PLEKHG3: variants seen among roughly 807,000 people sequenced by gnomAD.
PLEKHG3 encodes pleckstrin homology and RhoGEF domain containing G3.
In PLEKHG3, 62 loss-of-function variants were observed where a neutral mutation model predicts 94.9. The ratio of observed to expected loss-of-function variants is 0.65; its 90% CI spans 0.53 to 0.81. The LOEUF is 0.81. Among genes scored for constraint, PLEKHG3 ranks in the 30% least tolerant of loss-of-function variants. The pLI is 0.00. For synonymous variants in PLEKHG3, 614 were observed against 654.0 expected (o/e 0.94, Z 0.93); for missense variants, 1,461 against 1,619.3 (o/e 0.90, Z 1.68).
In PLEKHG3 at chr14:64,716,496, A is replaced by AACACACACACACACACACACAC. The variant is rs58480790; in HGVS notation, c.-39-11063_-39-11042dup. Among the ~76,000 whole-genome samples the AACACACACACACACACACACAC allele has an allele frequency of 6.3e-5, 5 of 79,544 alleles. No homozygotes were observed. The highest frequency in any genetic ancestry group is 6.6e-4 in the South Asian group (1 of 1,514). 52.2% of individuals were successfully genotyped at this position (79,544 alleles called of 152,430 possible). On this transcript the variant is annotated intron_variant, in intron 1 of 16. Coordinates refer to ENST00000247226, the MANE Select transcript of PLEKHG3 (RefSeq NM_001308147.2). The surrounding 1 kb of genome is among the most constrained non-coding windows in gnomAD (Gnocchi z 5.0). Reference sequence around the variant, plus strand: ...ACACACACACAACACACACACACACAACACACACACACACACACACACACA... The same window carrying AACACACACACACACACACACAC: ...ACACACACACAACACACACACACACAACACACACACACACACACACACACACACACACACACACACACACACA...
chr14:64,708,052 C>G (rs1227223847), intron 1 of PLEKHG3, among the ~76,000 whole-genome samples: 1 of 152,206 alleles, frequency 6.6e-6, no homozygotes, highest in Non-Finnish European at 1.5e-5. Flanking sequence ...AGGTGCAAAG[C>G]TTTTCATTTT....
rs774475376 is a variant in PLEKHG3, at chr14:64,726,778, G to A, written c.-39-815G>A. Reference sequence around the variant, plus strand: ...AGAGGCAGCCTGTACCAGGTGCTGGGGTGGGGCTGCGGAGTCGGGGGATAA... The same window carrying A: ...AGAGGCAGCCTGTACCAGGTGCTGGAGTGGGGCTGCGGAGTCGGGGGATAA... On this transcript the variant is annotated intron_variant, in intron 1 of 16. Transcript: ENST00000247226. The surrounding 1 kb of genome is among the most constrained non-coding windows in gnomAD (Gnocchi z 5.1). Among the ~76,000 whole-genome samples the A allele has an allele frequency of 8.5e-5, 13 of 152,206 alleles. No individual in the cohort carries two copies. Among genetic ancestry groups the A allele is most frequent in the Non-Finnish European group, 1.5e-4 (10 of 68,032 alleles).
Position 64,715,083 on chromosome 14 carries a change from G to A in PLEKHG3, c.-40+10379G>A, listed in dbSNP as rs1024469222. 1.3e-5 allele frequency among the ~76,000 whole-genome samples: 2 copies of A among 152,146 alleles called. No homozygotes were observed. The highest frequency in any genetic ancestry group is 2.4e-5 in the African/African-American group (1 of 41,424). On this transcript the variant is annotated intron_variant, in intron 1 of 16. Coordinates refer to ENST00000247226, the MANE Select transcript of PLEKHG3 (RefSeq NM_001308147.2). This position sits in a 1 kb window ranked among gnomAD's most constrained non-coding sequence, Gnocchi z 4.4. The stretch of plus-strand genomic sequence containing the variant: ...TGGAGAAGGAAGGCCTGTGTCTTGG[G>A]GTTGTCTACTGCTGGTTACGTACTG...
At position 64,741,300 on chromosome 14, in the gene PLEKHG3, C is replaced by T; in HGVS notation, c.1783C>T (p.Pro595Ser). The T allele has an allele frequency of 6.2e-7, 1 of 1,613,788 alleles. No individual in the cohort carries two copies. Among genetic ancestry groups the T allele is most frequent in the Non-Finnish European group, 8.5e-7 (1 of 1,180,028 alleles). Residue 595 changes from proline to serine, a missense_variant, in exon 16 of 17, where the codon CCA (proline) becomes TCA (serine). By Grantham distance (74) the Pro-to-Ser change is moderately conservative. Around this residue, in one of 3 missense-constraint regions of PLEKHG3, gnomAD observed 1,201 missense variants for 1,295.5 expected, o/e 0.93. Coordinates refer to ENST00000247226, the MANE Select transcript of PLEKHG3 (RefSeq NM_001308147.2). ...GAAQEPESLL[P>S]PSVLDQASVI... Reference sequence around the variant, plus strand: ...CGCCCAGGAGCCTGAGAGCCTTCTGCCACCCTCTGTGCTGGACCAGGCCAG... The same window carrying T: ...CGCCCAGGAGCCTGAGAGCCTTCTGTCACCCTCTGTGCTGGACCAGGCCAG...
At chr14:64,742,707 A>G (rs934201759) in intron 16 of PLEKHG3, among the ~76,000 whole-genome samples, 3 of 152,172 alleles carry the variant, frequency 2.0e-5, no homozygotes, top group African/African-American at 7.2e-5. Flanking sequence ...AGGCTTCTGG[A>G]GGAAGCATGG....
rs1414740260 is a variant in PLEKHG3 at position 64,722,463 on chromosome 14, G to A, written c.-39-5130G>A. 2.0e-5 allele frequency among the ~76,000 whole-genome samples: 3 copies of A among 152,202 alleles called. No individual in the cohort carries two copies. The highest frequency in any genetic ancestry group is 3.9e-4 in the East Asian group (2 of 5,176). On this transcript the variant is annotated intron_variant, in intron 1 of 16. Coordinates refer to ENST00000247226, the MANE Select transcript of PLEKHG3 (RefSeq NM_001308147.2). The surrounding 1 kb of genome is among the most constrained non-coding windows in gnomAD (Gnocchi z 4.3). Reference sequence around the variant, plus strand: ...TCAAACTCCTGACCAAAGGTGATCCGCCCACCTCGGCCTCCCAAAGTGCTG... The same window carrying A: ...TCAAACTCCTGACCAAAGGTGATCCACCCACCTCGGCCTCCCAAAGTGCTG...
rs763508388 is a variant in PLEKHG3 at position 64,742,100 on chromosome 14, G to A, written c.2583G>A (p.Ser861=). ...EHELGAITEE[S]ATASPESSSP... ...AGCTGGGAGCCATCACAGAGGAGTC[G>A]GCCACTGCCTCCCCGGAAAGCTCCT... is the stretch of plus-strand genomic sequence containing the variant. The change falls in exon 16 of 17, where the codon TCG becomes TCA. Residue 861 remains serine (S), a synonymous_variant. Coordinates refer to ENST00000247226, the MANE Select transcript of PLEKHG3 (RefSeq NM_001308147.2). 3.2e-5 allele frequency: 52 copies of A among 1,610,152 alleles called. 1 individual carries two copies. Among genetic ancestry groups the A allele is most frequent in the African/African-American group, 6.7e-5 (5 of 74,920 alleles).
intron 14 of PLEKHG3, 142 bp downstream of exon 14, chr14:64,737,517 C>T: frequency 1.6e-6 from 1 of 636,440 alleles, no homozygotes; most frequent in East Asian, 2.8e-5. Context: ...GGCTGTGTGG[C>T]TTAGGGCCAC....
At chr14:64,713,306 C>T (rs920835239) in intron 1 of PLEKHG3, among the ~76,000 whole-genome samples, 2 of 152,092 alleles carry the variant, frequency 1.3e-5, no homozygotes, top group African/African-American at 4.8e-5. Flanking sequence ...ATACTGGCCT[C>T]ATAGAATGAG....
Position 64,732,299 on chromosome 14 carries a change from G to A in PLEKHG3, c.1212+118G>A. The A allele has an allele frequency of 1.6e-6, 2 of 1,224,152 alleles. No individual in the cohort carries two copies. The highest frequency in any genetic ancestry group is 1.2e-5 in the South Asian group (1 of 81,820). The allele number at this position is 1,224,152 out of a possible 1,614,324, so 75.8% of individuals were successfully genotyped here. A position where few individuals can be genotyped will look rare whatever the true frequency, so the allele number is the denominator to read the frequency against. On this transcript the variant is annotated intron_variant, in intron 10 of 16. Transcript: ENST00000247226. The surrounding 1 kb of genome is among the most constrained non-coding windows in gnomAD (Gnocchi z 4.9). Reference sequence around the variant, plus strand: ...GGGCTCCAGTGGACAGTGAGTGTCAGTACAGCAGATGCCCCGGGCCTTGGT... The same window carrying A: ...GGGCTCCAGTGGACAGTGAGTGTCAATACAGCAGATGCCCCGGGCCTTGGT...
In PLEKHG3 at chr14:64,734,275, T is replaced by C. The variant is rs181224751; in HGVS notation, c.1345+1374T>C. ...CTTTCTTCTCTCTAGCCCTCTTTCT[T>C]TTCTCTTCTCTTCTCTTTTCTTTTC... On this transcript the variant is annotated intron_variant, in intron 12 of 16. Transcript: ENST00000247226. 1.2e-3 allele frequency among the ~76,000 whole-genome samples: 182 copies of C among 152,282 alleles called. 1 individual carries two copies. The highest frequency in any genetic ancestry group is 1.2e-3 in the Non-Finnish European group (80 of 68,016).
rs2081155163 is a variant in PLEKHG3 at position 64,716,470 on chromosome 14, C to CACA, written c.-39-11122_-39-11120dup. Reference sequence around the variant, plus strand: ...CACACACACACACACACACACAACACACACACACACAACACACACACACAC... The same window carrying CACA: ...CACACACACACACACACACACAACACACAACACACACACAACACACACACACAC... On this transcript the variant is annotated intron_variant, in intron 1 of 16. Coordinates refer to ENST00000247226, the MANE Select transcript of PLEKHG3 (RefSeq NM_001308147.2). This position sits in a 1 kb window ranked among gnomAD's most constrained non-coding sequence, Gnocchi z 5.0. Among the ~76,000 whole-genome samples, 2 of 130,808 alleles carry CACA rather than the reference C, an allele frequency of 1.5e-5. No homozygotes were observed. Among genetic ancestry groups the CACA allele is most frequent in the Non-Finnish European group, 3.3e-5 (2 of 60,804 alleles). The allele number at this position is 130,808 out of a possible 152,430, so 85.8% of individuals were successfully genotyped here.
At position 64,749,394 on chromosome 14, in the gene PLEKHG3, A is replaced by G. The variant is rs928221807; in HGVS notation, c.*5691A>G. 1.9e-6 allele frequency: 3 copies of G among 1,609,432 alleles called. No individual in the cohort carries two copies. In the African/African-American group the frequency reaches 4.0e-5, roughly 21 times the overall value. On this transcript the variant is annotated 3_prime_UTR_variant, in exon 17 of 17. Coordinates refer to ENST00000247226, the MANE Select transcript of PLEKHG3 (RefSeq NM_001308147.2). The surrounding 1 kb of genome is among the most constrained non-coding windows in gnomAD (Gnocchi z 4.7). Reference sequence around the variant, plus strand: ...GGGGCCGGAGAGGGAAGGCAGGGGCAGGCTCTGCGCCTTGACGCGGATGCT... The same window carrying G: ...GGGGCCGGAGAGGGAAGGCAGGGGCGGGCTCTGCGCCTTGACGCGGATGCT...
chr14:64,721,383 C>G lies in PLEKHG3; in HGVS notation c.-39-6210C>G, dbSNP rs1395886447. On this transcript the variant is annotated intron_variant, in intron 1 of 16. Coordinates refer to ENST00000247226, the MANE Select transcript of PLEKHG3 (RefSeq NM_001308147.2). The surrounding 1 kb of genome is among the most constrained non-coding windows in gnomAD (Gnocchi z 4.3). ...CAGGCCGAGGGAACTTTCTGGACTT[C>G]AGTTGCAGGCCCAGGCTTTCTCCTG... 6.6e-6 allele frequency among the ~76,000 whole-genome samples: 1 copy of G among 152,162 alleles called. No homozygotes were observed. The highest frequency in any genetic ancestry group is 1.5e-5 in the Non-Finnish European group (1 of 68,024).
intron 1 of PLEKHG3, among the ~76,000 whole-genome samples, chr14:64,707,404 CTATT>C (rs1357142703): frequency 4.6e-5 from 7 of 152,224 alleles, no homozygotes; most frequent in African/African-American, 1.7e-4. Flanking sequence ...TTAAAGTACT[CTATT>C]CATTCATTTA....
rs2081686340 is a variant in PLEKHG3, at chr14:64,741,339, C to T, written c.1822C>T (p.Arg608Ter). 18 of 1,613,616 alleles carry T rather than the reference C, an allele frequency of 1.1e-5. No individual in the cohort carries two copies. Among genetic ancestry groups the T allele is most frequent in the Non-Finnish European group, 1.4e-5 (16 of 1,180,034 alleles). Residue 608 changes from arginine (R) to a stop codon, truncating the protein, a stop_gained, in exon 16 of 17, where the codon CGA (arginine) becomes TGA (stop). Coordinates refer to ENST00000247226, the MANE Select transcript of PLEKHG3 (RefSeq NM_001308147.2). LOFTEE classifies it high-confidence loss of function. ...VLDQASVIAE[R>*]FVSSFSRRSS... ...GGACCAGGCCAGCGTCATTGCGGAG[C>T]GATTTGTCAGCAGCTTCTCTCGGCG...
intron 1 of PLEKHG3, among the ~76,000 whole-genome samples, chr14:64,709,930 C>T (rs1030468916): frequency 1.3e-5 from 2 of 152,212 alleles, no homozygotes; most frequent in Non-Finnish European, 2.9e-5. Context: ...AATGCTCACA[C>T]TATGAATGTT....
rs1356129562 is a variant in PLEKHG3 at position 64,718,807 on chromosome 14, G to A, written c.-39-8786G>A. Among the ~76,000 whole-genome samples, 1 of 152,136 alleles carries A rather than the reference G, an allele frequency of 6.6e-6. No homozygotes were observed. Among genetic ancestry groups the A allele is most frequent in the Non-Finnish European group, 1.5e-5 (1 of 68,018 alleles). On this transcript the variant is annotated intron_variant, in intron 1 of 16. Transcript: ENST00000247226. The surrounding 1 kb of genome is among the most constrained non-coding windows in gnomAD (Gnocchi z 5.0). ...TTTGTCTTATGCCCTGGCCCTCCCA[G>A]ATGTCTACCCTGCAGATGGGTTTAA...
chr14:64,705,200 G>C (rs2080951969), intron 1 of PLEKHG3, among the ~76,000 whole-genome samples: 1 of 152,240 alleles, frequency 6.6e-6, no homozygotes, highest in Non-Finnish European at 1.5e-5. Context: ...GTCCGGCAGG[G>C]AGGAGAGTGG....
Sources: gnomAD v4.1 joint callset for allele counts (sites outside exome capture counted in the v4.1 genomes callset) on GRCh38, gnomAD v4.1.1 for gene constraint, gnomAD v4.1.1 regional missense constraint, Gnocchi (gnomAD v3.1) non-coding constraint, MANE v1.5 for transcripts, NCBI Gene and HGNC (gene_info 2026-07-23, HGNC 2026-07-21) for gene names.